HS3ST3B1: variants seen among roughly 807,000 people sequenced by gnomAD.
The protein encoded by HS3ST3B1 is heparan sulfate glucosamine 3-O-sulfotransferase 3B1.
A neutral mutation model predicts 21.3 loss-of-function variants in HS3ST3B1; 13 were observed. That is an observed-to-expected ratio of 0.61 (90% CI 0.40 to 0.97). The LOEUF is 0.97. Ranked by LOEUF, HS3ST3B1 falls within the 50% of genes least tolerant of loss-of-function variation. The probability of loss-of-function intolerance (pLI) is 0.00; values close to 1 mark genes in which losing one functional copy is unlikely to be tolerated. For missense variants in HS3ST3B1, 459 were observed against 554.8 expected (o/e 0.83, Z 1.73); for synonymous variants, 234 against 254.8 (o/e 0.92, Z 0.78).
chr17:14,305,392 G>A (rs769183741), intron 1 of HS3ST3B1: 4 of 152,032 alleles, frequency 2.6e-5, no homozygotes, highest in Non-Finnish European at 4.4e-5. Context: ...ACACCGGGCT[G>A]TGGTTCAGGA....
At chr17:14,315,044 A>C (rs530120741) in intron 1 of HS3ST3B1, among the ~76,000 whole-genome samples, 2 of 152,276 alleles carry the variant, frequency 1.3e-5, no homozygotes, top group South Asian at 4.1e-4. Flanking sequence ...TTTCAGTGAC[A>C]TGCTTCTCCT....
chr17:14,301,647 G>GCTCT lies in HS3ST3B1; in HGVS notation c.130_133dup (p.Tyr45SerfsTer316). ...TGCTCTTCGCCATGCTCTGCGTCTG[G>GCTCT]CTCTATATGTTCCTGTACTCGTGCG... On this transcript the variant is annotated frameshift_variant, in exon 1 of 2. Coordinates refer to ENST00000360954, the MANE Select transcript of HS3ST3B1 (RefSeq NM_006041.3). LOFTEE classifies it high-confidence loss of function. The GCTCT allele has an allele frequency of 6.2e-7, 1 of 1,608,128 alleles. No individual in the cohort carries two copies. The highest frequency in any genetic ancestry group is 8.5e-7 in the Non-Finnish European group (1 of 1,178,820).
At chr17:14,314,494 T>C (rs1445191886) in intron 1 of HS3ST3B1, among the ~76,000 whole-genome samples, 4 of 152,204 alleles carry the variant, frequency 2.6e-5, no homozygotes, top group Non-Finnish European at 5.9e-5. Flanking sequence ...TCTCACCTTC[T>C]ACCACCACCA....
chr17:14,301,794 G>A lies in HS3ST3B1; in HGVS notation c.276G>A (p.Ala92=). The A allele has an allele frequency of 1.9e-6, 3 of 1,555,952 alleles. No homozygotes were observed. Among genetic ancestry groups the A allele is most frequent in the South Asian group, 1.2e-5 (1 of 84,774 alleles). ...DGTPPRLPFR[A]PPATPLASGK... The stretch of plus-strand genomic sequence containing the variant: ...CGCCCCCCAGGCTGCCGTTCCGGGC[G>A]CCGCCAGCCACCCCACTGGCTTCAG... Residue 92 remains alanine (A), a synonymous_variant, in exon 1 of 2, where the codon GCG becomes GCA. Coordinates refer to ENST00000360954, the MANE Select transcript of HS3ST3B1 (RefSeq NM_006041.3).
chr17:14,347,644 T>C lies in HS3ST3B1; in HGVS notation c.*1998T>C, dbSNP rs545891667. ...ACTGATCAGAGATGTCACTGGTCTTTAAGTGATGTCTTGAAAATCCAGTAT... is the reference window on the plus strand; with the variant it reads ...ACTGATCAGAGATGTCACTGGTCTTCAAGTGATGTCTTGAAAATCCAGTAT... On this transcript the variant is annotated 3_prime_UTR_variant, in exon 2 of 2. Coordinates refer to ENST00000360954, the MANE Select transcript of HS3ST3B1 (RefSeq NM_006041.3). 6.6e-6 allele frequency: 1 copy of C among 152,218 alleles called. No individual in the cohort carries two copies. Among genetic ancestry groups the C allele is most frequent in the African/African-American group, 2.4e-5 (1 of 41,444 alleles). The allele number at this position is 152,218 out of a possible 1,614,324, so 9.4% of individuals were successfully genotyped here.
chr17:14,326,141 G>A (rs1282772958), intron 1 of HS3ST3B1, among the ~76,000 whole-genome samples: 1 of 152,040 alleles, frequency 6.6e-6, no homozygotes, highest in Non-Finnish European at 1.5e-5. Flanking sequence ...AGAAGAAGGA[G>A]GTCCAGAAAG....
At position 14,303,980 on chromosome 17, in the gene HS3ST3B1, T is replaced by C. The variant is rs1199537254; in HGVS notation, c.554+1908T>C. 1 of 152,186 alleles carries C rather than the reference T, an allele frequency of 6.6e-6. No homozygotes were observed. The highest frequency in any genetic ancestry group is 1.5e-5 in the Non-Finnish European group (1 of 68,040). The allele number at this position is 152,186 out of a possible 1,614,324, so 9.4% of individuals were successfully genotyped here. A position where few individuals can be genotyped will look rare whatever the true frequency, so the allele number is the denominator to read the frequency against. On this transcript the variant is annotated intron_variant, in intron 1 of 1. Transcript: ENST00000360954. The surrounding 1 kb of genome is among the most constrained non-coding windows in gnomAD (Gnocchi z 5.7). ...AATCCCCACAGGAAGGCTCACGCAG[T>C]CTCTTAGGCGGCTGCCCTCCACCTG... is the stretch of plus-strand genomic sequence containing the variant.
At chr17:14,344,351 G>A (rs927490006) in intron 1 of HS3ST3B1, among the ~76,000 whole-genome samples, 3 of 152,196 alleles carry the variant, frequency 2.0e-5, no homozygotes, top group Non-Finnish European at 4.4e-5. Flanking sequence ...CAGGTAGTGA[G>A]CATAGTACCC....
At chr17:14,335,604 G>C (rs1363770221) in intron 1 of HS3ST3B1, among the ~76,000 whole-genome samples, 1 of 151,966 alleles carries the variant, frequency 6.6e-6, no homozygotes. Flanking sequence ...TGAGGCAGGA[G>C]AATTGCTTGA....
At chr17:14,302,453 C>A (rs112974862) in intron 1 of HS3ST3B1, among the ~76,000 whole-genome samples, 12 of 152,266 alleles carry the variant, frequency 7.9e-5, no homozygotes, top group African/African-American at 2.6e-4. Flanking sequence ...GCCCGAGACG[C>A]TGGGAATGTT....
At chr17:14,325,933 C>T (rs1799629527) in intron 1 of HS3ST3B1, among the ~76,000 whole-genome samples, 2 of 152,078 alleles carry the variant, frequency 1.3e-5, no homozygotes, top group Admixed American at 1.3e-4. Flanking sequence ...TTATTTTTGC[C>T]ACAGTGCAAA....
chr17:14,317,047 C>T (rs564477362), intron 1 of HS3ST3B1, among the ~76,000 whole-genome samples: 10 of 152,226 alleles, frequency 6.6e-5, no homozygotes, highest in African/African-American at 1.2e-4. Context: ...CAGGAGGAGG[C>T]GTTTGGCAAG....
intron 1 of HS3ST3B1, among the ~76,000 whole-genome samples, chr17:14,341,500 C>T (rs1232281561): frequency 6.6e-6 from 1 of 152,008 alleles, no homozygotes; most frequent in African/African-American, 2.4e-5. Flanking sequence ...CTTTGCAGTT[C>T]TTTCAAAAGC....
At chr17:14,316,745 A>G (rs531010889) in intron 1 of HS3ST3B1, among the ~76,000 whole-genome samples, 1 of 152,370 alleles carries the variant, frequency 6.6e-6, no homozygotes, top group South Asian at 2.1e-4. Flanking sequence ...GCCAAGGGGA[A>G]CACTGAAAAG....
intron 1 of HS3ST3B1, among the ~76,000 whole-genome samples, chr17:14,338,496 G>A (rs1910265448): frequency 6.6e-6 from 1 of 151,350 alleles, no homozygotes; most frequent in African/African-American, 2.4e-5. Flanking sequence ...AGGCTGGAGT[G>A]CAATGGCACC....
intron 1 of HS3ST3B1, among the ~76,000 whole-genome samples, chr17:14,324,617 T>A (rs1442114673): frequency 6.6e-6 from 1 of 152,144 alleles, no homozygotes; most frequent in East Asian, 1.9e-4. Context: ...GTTTGTTTTT[T>A]AAAAATATAT....
intron 1 of HS3ST3B1, among the ~76,000 whole-genome samples, chr17:14,312,870 T>C (rs1406988300): frequency 2.0e-5 from 3 of 151,412 alleles, no homozygotes; most frequent in Non-Finnish European, 4.4e-5. Context: ...CTGGGTTTTG[T>C]ACCATCCCCA....
In HS3ST3B1 at chr17:14,327,793, CTGG is replaced by C. The variant is rs1489437140; in HGVS notation, c.555-17232_555-17230del. 2.6e-5 allele frequency: 4 copies of C among 152,224 alleles called. No homozygotes were observed. The East Asian group carries it at 5.8e-4, about 22-fold the overall frequency. The allele number at this position is 152,224 out of a possible 1,614,324, so 9.4% of individuals were successfully genotyped here. A position where few individuals can be genotyped will look rare whatever the true frequency, so the allele number is the denominator to read the frequency against. The stretch of plus-strand genomic sequence containing the variant: ...AAATATTTTCAAGTGCTTGCGATGC[CTGG>C]TGTTTTGCTGTTTTTCTTGTATTTT... On this transcript the variant is annotated intron_variant, in intron 1 of 1. Coordinates refer to ENST00000360954, the MANE Select transcript of HS3ST3B1 (RefSeq NM_006041.3).
intron 1 of HS3ST3B1, among the ~76,000 whole-genome samples, chr17:14,324,717 G>T (rs1909754085): frequency 6.6e-6 from 1 of 152,130 alleles, no homozygotes; most frequent in African/African-American, 2.4e-5. Context: ...GGGCTCAAGT[G>T]ATCCTCCCGC....
Sources: gnomAD v4.1 joint callset for allele counts (sites outside exome capture counted in the v4.1 genomes callset) on GRCh38, gnomAD v4.1.1 for gene constraint, Gnocchi (gnomAD v3.1) non-coding constraint, MANE v1.5 for transcripts, NCBI Gene and HGNC (gene_info 2026-07-23, HGNC 2026-07-21) for gene names.